ZNF561: variants seen among roughly 807,000 people sequenced by gnomAD.
ZNF561 encodes zinc finger protein 561.
ZNF561 carries 16 observed loss-of-function variants against 16.7 expected under a neutral mutation model. That is an observed-to-expected ratio of 0.96 (90% CI 0.65 to 1.45). The LOEUF (loss-of-function observed/expected upper bound fraction) is 1.45, where lower values mean the gene tolerates loss of function less well. ZNF561 is among the 40% of genes most tolerant of loss of function. The pLI is 0.00. For missense variants in ZNF561, 580 were observed against 578.0 expected (o/e 1.00, Z -0.04); for synonymous variants, 190 against 192.1 (o/e 0.99, Z 0.09).
At chr19:9,613,959 A>G in intron 5 of ZNF561, 62 bp downstream of exon 5, 1 of 1,591,808 alleles carries the variant, frequency 6.3e-7, no homozygotes, top group Non-Finnish European at 8.6e-7. Flanking sequence ...CTGATTTTCT[A>G]GAATGGAATT....
In ZNF561 at chr19:9,608,951, G is replaced by A. The variant is rs1358480002; in HGVS notation, c.*1249C>T. ...GAAACTGCCCATAAACAAAATCTCT[G>A]CGGCACTGTGACATGCTCGTGATGG... On this transcript the variant is annotated 3_prime_UTR_variant, in exon 6 of 6. Coordinates refer to ENST00000302851, the MANE Select transcript of ZNF561 (RefSeq NM_152289.3). 1.3e-5 allele frequency: 2 copies of A among 152,118 alleles called. No individual in the cohort carries two copies. Among genetic ancestry groups the A allele is most frequent in the African/African-American group, 4.8e-5 (2 of 41,416 alleles). 9.4% of individuals were successfully genotyped at this position (152,118 alleles called of 1,614,324 possible).
intron 4 of ZNF561, among the ~76,000 whole-genome samples, chr19:9,616,678 GC>G (rs781346167): frequency 4.0e-5 from 6 of 150,966 alleles, no homozygotes; most frequent in Non-Finnish European, 7.4e-5. Context: ...TGCAAGATCC[GC>G]CTCCCGGGTT....
At position 9,608,131 on chromosome 19, in the gene ZNF561, A is replaced by G. The variant is rs2074382778; in HGVS notation, c.*2069T>C. ...CGTGATCCGCCCACCTCGGCCTCCCAAAGTGCTGGGATTACAGGTGTGAGC... is the reference window on the plus strand; with the variant it reads ...CGTGATCCGCCCACCTCGGCCTCCCGAAGTGCTGGGATTACAGGTGTGAGC... On this transcript the variant is annotated 3_prime_UTR_variant, in exon 6 of 6. Coordinates refer to ENST00000302851, the MANE Select transcript of ZNF561 (RefSeq NM_152289.3). 6 of 152,304 alleles carry G rather than the reference A, an allele frequency of 3.9e-5. No individual in the cohort carries two copies. The highest frequency in any genetic ancestry group is 3.3e-4 in the Admixed American group (5 of 15,238). The allele number at this position is 152,304 out of a possible 1,614,324, so 9.4% of individuals were successfully genotyped here.
intron 4 of ZNF561, 96 bp downstream of exon 4, chr19:9,616,949 A>C: frequency 6.9e-7 from 1 of 1,459,342 alleles, no homozygotes. Flanking sequence ...CTAGTATCAA[A>C]CTCCCAGGCT....
chr19:9,617,829 C>T (rs2074585596), intron 3 of ZNF561: 2 of 529,830 alleles, frequency 3.8e-6, no homozygotes, highest in African/African-American at 1.9e-5. Flanking sequence ...CGTCACCGCA[C>T]CCAGCAATGT....
rs538767560 is a variant in ZNF561 at position 9,610,531 on chromosome 19, G to A, written c.1130C>T (p.Ser377Phe). The A allele has an allele frequency of 3.4e-5, 55 of 1,613,900 alleles. No homozygotes were observed. The highest frequency in any genetic ancestry group is 5.3e-5 in the African/African-American group (4 of 74,932). The change falls in exon 6 of 6, where the codon TCC becomes TTC. Residue 377 changes from serine (S) to phenylalanine (F), a missense_variant. Transcript: ENST00000302851. ...TCTTGTATGCTGAATAAGACTTGTGGATGTAGTGAAGGCTTTCCCACATTC... is the reference window on the plus strand; with the variant it reads ...TCTTGTATGCTGAATAAGACTTGTGAATGTAGTGAAGGCTTTCCCACATTC... ...CKECGKAFTTSTSLIQHTRIH... is the reference protein window; with the variant it reads ...CKECGKAFTTFTSLIQHTRIH...
At chr19:9,618,003 C>G in intron 3 of ZNF561, 88 bp downstream of exon 3, 3 of 1,276,328 alleles carry the variant, frequency 2.4e-6, no homozygotes, top group Non-Finnish European at 3.3e-6. Flanking sequence ...TCTAAGAAAA[C>G]TCTGAAGATG....
chr19:9,615,225 T>C (rs1000467740), intron 4 of ZNF561, among the ~76,000 whole-genome samples: 31 of 152,194 alleles, frequency 2.0e-4, no homozygotes, highest in African/African-American at 6.7e-4. Context: ...CCAAAAAAGA[T>C]TGGTTATCTC....
chr19:9,620,225 G>A (rs1216705019), intron 1 of ZNF561, among the ~76,000 whole-genome samples: 1 of 152,174 alleles, frequency 6.6e-6, no homozygotes, highest in Non-Finnish European at 1.5e-5. Flanking sequence ...GAGTAGCTGG[G>A]ATTTCAGGTA....
chr19:9,607,697 A>C lies in ZNF561; in HGVS notation c.*2503T>G, dbSNP rs1033596228. 1.3e-5 allele frequency: 2 copies of C among 152,180 alleles called. No individual in the cohort carries two copies. Among genetic ancestry groups the C allele is most frequent in the African/African-American group, 4.8e-5 (2 of 41,448 alleles). 9.4% of individuals were successfully genotyped at this position (152,180 alleles called of 1,614,324 possible). A position where few individuals can be genotyped will look rare whatever the true frequency, so the allele number is the denominator to read the frequency against. ...TCCAGTAAAGCAAGAAAATATATAT[A>C]TAGGTATAACCTAACGACTAAAGTG... On this transcript the variant is annotated 3_prime_UTR_variant, in exon 6 of 6. Coordinates refer to ENST00000302851, the MANE Select transcript of ZNF561 (RefSeq NM_152289.3).
chr19:9,616,916 A>C, intron 4 of ZNF561, 129 bp downstream of exon 4: 1 of 1,294,948 alleles, frequency 7.7e-7, no homozygotes, highest in Non-Finnish European at 1.0e-6. Context: ...TTTAAGAGAC[A>C]AGGTATCACA....
At chr19:9,615,671 C>T (rs560204143) in intron 4 of ZNF561, among the ~76,000 whole-genome samples, 2 of 150,770 alleles carry the variant, frequency 1.3e-5, no homozygotes, top group South Asian at 2.1e-4. Context: ...TCTGGGAGGC[C>T]GAGGTGGGTG....
At position 9,610,627 on chromosome 19, in the gene ZNF561, G is replaced by A. The variant is rs369111765; in HGVS notation, c.1034C>T (p.Ala345Val). 6.2e-7 allele frequency: 1 copy of A among 1,614,042 alleles called. No homozygotes were observed. Among genetic ancestry groups the A allele is most frequent in the Non-Finnish European group, 8.5e-7 (1 of 1,179,960 alleles). Residue 345 changes from alanine (A) to valine (V), a missense_variant, in exon 6 of 6, where the codon GCC (alanine) becomes GTC (valine). Coordinates refer to ENST00000302851, the MANE Select transcript of ZNF561 (RefSeq NM_152289.3). ...AGAAAGGCCCGAGTACTGAGCAAAGGCTTGGCCACATTCCTTACATTCATA... is the reference window on the plus strand; with the variant it reads ...AGAAAGGCCCGAGTACTGAGCAAAGACTTGGCCACATTCCTTACATTCATA... Reference protein sequence around the residue: ...KPYECKECGQAFAQYSGLSIH... With the variant: ...KPYECKECGQVFAQYSGLSIH...
chr19:9,613,917 G>T, intron 5 of ZNF561, 104 bp downstream of exon 5: 1 of 1,395,094 alleles, frequency 7.2e-7, no homozygotes, highest in Non-Finnish European at 1.0e-6. Context: ...AAATAGCTGG[G>T]ATTACAGATG....
intron 3 of ZNF561, 27 bp from the exon 4 acceptor site, chr19:9,617,198 G>C (rs2074571403): frequency 6.2e-7 from 1 of 1,605,334 alleles, no homozygotes; most frequent in Non-Finnish European, 8.5e-7. Flanking sequence ...ATGCTGGTTT[G>C]AGCCAATGAA....
At chr19:9,619,940 A>G (rs1225841842) in intron 1 of ZNF561, among the ~76,000 whole-genome samples, 1 of 150,558 alleles carries the variant, frequency 6.6e-6, no homozygotes, top group Non-Finnish European at 1.5e-5. Flanking sequence ...CTATCTATCT[A>G]TCTATCGAGA....
rs115467762 is a variant in ZNF561 at position 9,610,343 on chromosome 19, G to A, written c.1318C>T (p.Leu440=). 2,329 of 1,614,098 alleles carry A rather than the reference G, an allele frequency of 1.4e-3. 30 individuals carry two copies. In the African/African-American group the frequency reaches 0.025, roughly 18 times the overall value. Residue 440 remains leucine (L), a synonymous_variant, in exon 6 of 6, where the codon CTG becomes TTG. Transcript: ENST00000302851. ...GGTTTCTCTCCGGTATGAGTTCGCA[G>A]GTGAACATTAAGGCGTGAGGAATAT... ...FLYSSRLNVH[L]RTHTGEKPFV...
intron 2 of ZNF561, among the ~76,000 whole-genome samples, chr19:9,618,553 C>T (rs1052108728): frequency 8.6e-5 from 13 of 151,758 alleles, no homozygotes; most frequent in African/African-American, 2.9e-4. Flanking sequence ...GGTGAAACCC[C>T]ATCTCTACTA....
In ZNF561 at chr19:9,610,830, T is replaced by G. The variant is rs745928409; in HGVS notation, c.831A>C (p.Gly277=). The change falls in exon 6 of 6, where the codon GGA becomes GGC. Residue 277 remains glycine (G), a synonymous_variant. Coordinates refer to ENST00000302851, the MANE Select transcript of ZNF561 (RefSeq NM_152289.3). ...ATTCTTTACATTCAAAGGACTTCTC[T>G]CCTTTATGAGTTTTCACAGGTGCAT... ...QLYAPVKTHK[G]EKSFECKECG... is the part of the protein sequence containing the mutation. The G allele has an allele frequency of 6.2e-7, 1 of 1,614,144 alleles. No individual in the cohort carries two copies.
Sources: gnomAD v4.1 joint callset for allele counts (sites outside exome capture counted in the v4.1 genomes callset) on GRCh38, gnomAD v4.1.1 for gene constraint, MANE v1.5 for transcripts, NCBI Gene and HGNC (gene_info 2026-07-23, HGNC 2026-07-21) for gene names.